Variants in CCNY observed in about 807,000 individuals in gnomAD.
CCNY encodes cyclin Y, also known as cyclin-Y.
CCNY carries 19 observed loss-of-function variants against 42.8 expected under a neutral mutation model. That is an observed-to-expected ratio of 0.44 (90% CI 0.31 to 0.65). The LOEUF (loss-of-function observed/expected upper bound fraction) is 0.65. CCNY is among the 30% of genes least tolerant of loss of function. The probability of loss-of-function intolerance (pLI) is 0.07; values close to 1 mark genes in which losing one functional copy is unlikely to be tolerated. For synonymous variants in CCNY, 165 were observed against 162.7 expected (o/e 1.01, Z -0.11); for missense variants, 370 against 437.3 (o/e 0.85, Z 1.37).
intron 3 of CCNY, among the ~76,000 whole-genome samples, chr10:35,515,741 A>G (rs983520590): frequency 2.6e-5 from 4 of 152,166 alleles, no homozygotes; most frequent in Admixed American, 6.5e-5. Context: ...ATATTGCCCG[A>G]TTGTTGCCAG....
intron 1 of CCNY, among the ~76,000 whole-genome samples, chr10:35,477,509 G>T (rs1839542867): frequency 2.0e-5 from 3 of 151,662 alleles, no homozygotes; most frequent in South Asian, 4.2e-4. Flanking sequence ...ATGTAATCCA[G>T]CATATAAACA....
intron 1 of CCNY, among the ~76,000 whole-genome samples, chr10:35,396,433 T>C (rs1260317505): frequency 1.3e-5 from 2 of 152,208 alleles, no homozygotes; most frequent in Non-Finnish European, 2.9e-5. Context: ...GCAGCCAGCC[T>C]GAGTATCTGC....
At chr10:35,453,873 G>T (rs1469491622) in intron 1 of CCNY, among the ~76,000 whole-genome samples, 1 of 151,970 alleles carries the variant, frequency 6.6e-6, no homozygotes, top group East Asian at 1.9e-4. Context: ...AATCCAGTTG[G>T]TTTCTTATTG....
chr10:35,255,737 T>G (rs1035276607), intron 3 of CCNY, among the ~76,000 whole-genome samples: 1 of 149,154 alleles, frequency 6.7e-6, no homozygotes, highest in African/African-American at 2.5e-5. Flanking sequence ...TGGGACCACA[T>G]GCATGTGCCA....
At chr10:35,402,781 G>C (rs3013377) in intron 1 of CCNY, among the ~76,000 whole-genome samples, 2 of 152,004 alleles carry the variant, frequency 1.3e-5, no homozygotes, top group African/African-American at 4.8e-5. Context: ...AAGATCTTCT[G>C]TCCACTTCAA....
At chr10:35,461,347 G>A (rs1193296753) in intron 1 of CCNY, among the ~76,000 whole-genome samples, 3 of 152,138 alleles carry the variant, frequency 2.0e-5, no homozygotes, top group African/African-American at 7.2e-5. Flanking sequence ...CAAGGAGCAA[G>A]GGATGTGGTT....
intron 3 of CCNY, 145 bp from the exon 4 acceptor site, chr10:35,516,378 G>T: frequency 1.5e-6 from 1 of 654,108 alleles, no homozygotes; most frequent in East Asian, 2.8e-5. Flanking sequence ...AAGTGTTTTT[G>T]TACTGTTCTT....
At chr10:35,448,378 C>T (rs1243013698) in intron 1 of CCNY, among the ~76,000 whole-genome samples, 2 of 152,138 alleles carry the variant, frequency 1.3e-5, no homozygotes, top group African/African-American at 4.8e-5. Context: ...AATGCGAATT[C>T]CCATTACTTG....
chr10:35,261,996 G>C (rs1589004762), intron 3 of CCNY, among the ~76,000 whole-genome samples: 1 of 151,676 alleles, frequency 6.6e-6, no homozygotes, highest in African/African-American at 2.4e-5. Flanking sequence ...ACTCCAGCCT[G>C]GTCAAAAAGA....
chr10:35,568,150 T>G (rs1003383077), intron 9 of CCNY, among the ~76,000 whole-genome samples: 1 of 152,180 alleles, frequency 6.6e-6, no homozygotes, highest in African/African-American at 2.4e-5. Flanking sequence ...GAAGAATATC[T>G]GGGGCTCTGA....
At chr10:35,383,179 C>T (rs949880919) in intron 1 of CCNY, among the ~76,000 whole-genome samples, 30 of 152,188 alleles carry the variant, frequency 2.0e-4, no homozygotes, top group African/African-American at 6.8e-4. Flanking sequence ...AAATACCAGT[C>T]ACCTGCAGAT....
chr10:35,352,601 C>T (rs1468167624), intron 1 of CCNY, among the ~76,000 whole-genome samples: 14 of 152,218 alleles, frequency 9.2e-5, no homozygotes, highest in East Asian at 7.7e-4. Flanking sequence ...CAAGTTCTGC[C>T]GTCCAGCCTC....
intron 3 of CCNY, among the ~76,000 whole-genome samples, chr10:35,268,737 C>T (rs906497538): frequency 8.5e-5 from 13 of 152,242 alleles, no homozygotes; most frequent in Non-Finnish European, 1.9e-4. Context: ...AGAGTTAGCA[C>T]TACATGAGTG....
At chr10:35,566,981 G>A (rs1841584990) in intron 9 of CCNY, among the ~76,000 whole-genome samples, 1 of 152,124 alleles carries the variant, frequency 6.6e-6, no homozygotes, top group African/African-American at 2.4e-5. Flanking sequence ...TAAAGTGCTG[G>A]TATTACAGGC....
rs1286191877 is a variant in CCNY, at chr10:35,337,005, C to G, written c.-49C>G. The G allele has an allele frequency of 6.6e-6, 9 of 1,368,208 alleles. No individual in the cohort carries two copies. Among genetic ancestry groups the G allele is most frequent in the South Asian group, 1.8e-5 (1 of 54,078 alleles). The allele number at this position is 1,368,208 out of a possible 1,614,324, so 84.8% of individuals were successfully genotyped here. On this transcript the variant is annotated 5_prime_UTR_variant, in exon 1 of 10. Transcript: ENST00000374704. ...CCCGCGTCCACCCGCGCCCCGCTCC[C>G]GGGGACTGGGAGAACAGGATAGCAG...
At chr10:35,328,569 T>C (rs1835905024) in intron 3 of CCNY, among the ~76,000 whole-genome samples, 1 of 152,164 alleles carries the variant, frequency 6.6e-6, no homozygotes, top group Non-Finnish European at 1.5e-5. Context: ...GGCTCCTGAG[T>C]GTATATAATG....
At chr10:35,376,268 G>A (rs1837049537) in intron 1 of CCNY, among the ~76,000 whole-genome samples, 1 of 152,200 alleles carries the variant, frequency 6.6e-6, no homozygotes, top group Admixed American at 6.5e-5. Flanking sequence ...TCATCAAAAA[G>A]TTAAACATGA....
At chr10:35,407,123 C>G (rs1481588704) in intron 1 of CCNY, among the ~76,000 whole-genome samples, 1 of 152,096 alleles carries the variant, frequency 6.6e-6, no homozygotes, top group Non-Finnish European at 1.5e-5. Context: ...AAAAAAGGAG[C>G]ATTAACCTTG....
At chr10:35,484,424 C>T (rs1194336108) in intron 2 of CCNY, among the ~76,000 whole-genome samples, 1 of 152,032 alleles carries the variant, frequency 6.6e-6, no homozygotes, top group Non-Finnish European at 1.5e-5. Context: ...AGGCAAGCCA[C>T]TGACTGGATT....
Sources: allele counts gnomAD v4.1 joint callset (sites outside exome capture counted in the v4.1 genomes callset), GRCh38; gene constraint gnomAD v4.1.1; transcripts MANE v1.5; gene names NCBI Gene and HGNC (gene_info 2026-07-23, HGNC 2026-07-21).